Variants in PTPRN2 observed in about 807,000 individuals in gnomAD.
The protein encoded by PTPRN2 is protein tyrosine phosphatase receptor type N2, also known as receptor-type tyrosine-protein phosphatase N2.
In PTPRN2, 74 loss-of-function variants were observed where a neutral mutation model predicts 118.8. The observed-to-expected ratio is 0.62, with a 90% confidence interval of 0.52 to 0.76. PTPRN2 has a LOEUF of 0.76. Among genes scored for constraint, PTPRN2 ranks in the 30% least tolerant of loss-of-function variants. The pLI, the probability that PTPRN2 is intolerant of heterozygous loss-of-function variation, is 0.00. For missense variants in PTPRN2, 1,481 were observed against 1,394.4 expected, an observed-to-expected ratio of 1.06 and a Z score of -0.99; for synonymous variants, 641 against 608.0, an observed-to-expected ratio of 1.05 and a Z score of -0.80.
chr7:158,244,982 C>T (rs889387178), intron 3 of PTPRN2, among the ~76,000 whole-genome samples: 36 of 152,224 alleles, frequency 2.4e-4, no homozygotes, highest in African/African-American at 8.7e-4. Flanking sequence ...CAGTTCGAAG[C>T]CCCTGCTCCC....
chr7:157,776,032 G>A (rs189721269), intron 12 of PTPRN2, among the ~76,000 whole-genome samples: 12 of 151,400 alleles, frequency 7.9e-5, no homozygotes, highest in East Asian at 3.9e-4. Context: ...GGAGTGAGGC[G>A]GAGGGGGCGT....
chr7:157,871,692 C>G (rs1442791024), intron 12 of PTPRN2, among the ~76,000 whole-genome samples: 2 of 151,832 alleles, frequency 1.3e-5, no homozygotes, highest in East Asian at 3.8e-4. Flanking sequence ...CTAGTAATGT[C>G]TTAGGGTTAA....
intron 2 of PTPRN2, among the ~76,000 whole-genome samples, chr7:158,487,680 C>T (rs1341348644): frequency 1.3e-5 from 2 of 152,146 alleles, no homozygotes; most frequent in Non-Finnish European, 2.9e-5. Flanking sequence ...CCGCCCCCCA[C>T]CGCACCCTGG....
intron 12 of PTPRN2, among the ~76,000 whole-genome samples, chr7:157,811,056 A>G (rs993336269): frequency 6.6e-6 from 1 of 151,834 alleles, no homozygotes; most frequent in African/African-American, 2.4e-5. Context: ...CGGATCACGA[A>G]GTCAGGAGAT....
At chr7:157,940,582 A>ACACCCTCCCCAGTGACACTGCAAATCTAT in intron 11 of PTPRN2, among the ~76,000 whole-genome samples, 1 of 147,904 alleles carries the variant, frequency 6.8e-6, no homozygotes, top group Non-Finnish European at 1.5e-5. Flanking sequence ...TGCAAATCTA[A>ACACCCTCCCCAGTGACACTGCAAATCTAT]CACCCTCCCC....
At chr7:157,851,884 C>G (rs1179843391) in intron 12 of PTPRN2, among the ~76,000 whole-genome samples, 1 of 152,252 alleles carries the variant, frequency 6.6e-6, no homozygotes, top group East Asian at 1.9e-4. Flanking sequence ...TACCACTGAA[C>G]AAAACAGCCT....
At chr7:157,545,512 C>G (rs570540396) in intron 22 of PTPRN2, among the ~76,000 whole-genome samples, 1 of 151,540 alleles carries the variant, frequency 6.6e-6, no homozygotes, top group Admixed American at 6.6e-5. Context: ...TGTGGGTGTA[C>G]ACAGTGTGTG....
chr7:158,524,367 G>A (rs1365659340), intron 1 of PTPRN2, among the ~76,000 whole-genome samples: 4 of 110,144 alleles, frequency 3.6e-5, no homozygotes, highest in Non-Finnish European at 5.5e-5. Context: ...GGAGTCATCT[G>A]CCCTGGAGTG....
chr7:157,557,788 T>C (rs1344725972), intron 21 of PTPRN2, among the ~76,000 whole-genome samples: 1 of 152,126 alleles, frequency 6.6e-6, no homozygotes, highest in Non-Finnish European at 1.5e-5. Flanking sequence ...AACTAGCTAT[T>C]TCTTATGTTT....
At chr7:158,450,173 T>C (rs1000308068) in intron 2 of PTPRN2, among the ~76,000 whole-genome samples, 9 of 152,146 alleles carry the variant, frequency 5.9e-5, no homozygotes, top group Admixed American at 3.9e-4. Context: ...TCTAACCCAA[T>C]CACCGCCCAA....
At chr7:158,319,398 CCACACACA>C (rs5888747) in intron 2 of PTPRN2, among the ~76,000 whole-genome samples, 2 of 118,840 alleles carry the variant, frequency 1.7e-5, no homozygotes, top group African/African-American at 6.8e-5. Flanking sequence ...ACACAGCCTC[CCACACACA>C]CACACAGCCT....
intron 11 of PTPRN2, among the ~76,000 whole-genome samples, chr7:157,925,636 G>A (rs755959535): frequency 4.9e-4 from 74 of 152,230 alleles, no homozygotes; most frequent in Non-Finnish European, 8.8e-4. Flanking sequence ...AGAGTGATGG[G>A]CCTCAGATGG....
chr7:157,840,106 C>CAT lies in PTPRN2; in HGVS notation c.1788+58566_1788+58567insAT, dbSNP rs1554466056. Reference sequence around the variant, plus strand: ...GTGGCCATATGTGACTGTGTGACCGCGTGACTGTGTGACTGTGACTGTGTG... The same window carrying CAT: ...GTGGCCATATGTGACTGTGTGACCGCATGTGACTGTGTGACTGTGACTGTGTG... On this transcript the variant is annotated intron_variant, in intron 12 of 22. Coordinates refer to ENST00000389418, the MANE Select transcript of PTPRN2 (RefSeq NM_002847.5). Among the ~76,000 whole-genome samples, 332 of 142,468 alleles carry CAT rather than the reference C, an allele frequency of 2.3e-3. 3 individuals carry two copies. In the Middle Eastern group the frequency reaches 0.068, roughly 29 times the overall value. The allele number at this position is 142,468 out of a possible 152,430, so 93.5% of individuals were successfully genotyped here. A position where few individuals can be genotyped will look rare whatever the true frequency, so the allele number is the denominator to read the frequency against.
chr7:158,407,438 G>C (rs868333494), intron 2 of PTPRN2, among the ~76,000 whole-genome samples: 21 of 68,520 alleles, frequency 3.1e-4, no homozygotes, highest in East Asian at 5.6e-4. Context: ...CTGGGTCCTG[G>C]GTCCTGCGTC....
At chr7:158,148,980 C>T (rs71543649) in intron 6 of PTPRN2, among the ~76,000 whole-genome samples, 1 of 131,212 alleles carries the variant, frequency 7.6e-6, no homozygotes, top group Non-Finnish European at 1.6e-5. Context: ...GACACCCCAT[C>T]TCACGCCACA....
At chr7:158,150,085 G>A (rs573495501) in intron 6 of PTPRN2, among the ~76,000 whole-genome samples, 14 of 152,322 alleles carry the variant, frequency 9.2e-5, no homozygotes, top group African/African-American at 2.4e-4. Flanking sequence ...GGAAGAGGCC[G>A]TGGGGCAGAA....
At chr7:157,849,558 TAA>T (rs1365609518) in intron 12 of PTPRN2, among the ~76,000 whole-genome samples, 1 of 152,220 alleles carries the variant, frequency 6.6e-6, no homozygotes, top group Non-Finnish European at 1.5e-5. Context: ...TGTTTAGGAC[TAA>T]ATTCAGCTGC....
At chr7:158,217,071 G>C (rs1440972266) in intron 3 of PTPRN2, among the ~76,000 whole-genome samples, 1 of 152,196 alleles carries the variant, frequency 6.6e-6, no homozygotes, top group African/African-American at 2.4e-5. Flanking sequence ...ACTGTGCTAA[G>C]TGAAATTTTT....
intron 8 of PTPRN2, 44 bp from the exon 9 acceptor site, chr7:158,134,103 G>A (rs1200930206): frequency 6.3e-7 from 1 of 1,580,352 alleles, no homozygotes; most frequent in East Asian, 2.2e-5. Context: ...CGAAAGGAAT[G>A]CTGATGTGAC....
Sources: gnomAD v4.1 joint callset for allele counts (sites outside exome capture counted in the v4.1 genomes callset) on GRCh38, gnomAD v4.1.1 for gene constraint, MANE v1.5 for transcripts, NCBI Gene and HGNC (gene_info 2026-07-23, HGNC 2026-07-21) for gene names.